Variants in RGS6 observed in about 807,000 individuals in gnomAD.
The protein encoded by RGS6 is regulator of G-protein signaling 6.
In RGS6, 30 loss-of-function variants were observed where a neutral mutation model predicts 78.5. The observed-to-expected ratio is 0.38, with a 90% CI of 0.29 to 0.52. The LOEUF (loss-of-function observed/expected upper bound fraction) is 0.52, where lower values mean the gene tolerates loss of function less well. Among genes scored for constraint, RGS6 ranks in the 20% least tolerant of loss-of-function variants. The probability of loss-of-function intolerance (pLI) is 0.85; values close to 1 mark genes in which losing one functional copy is unlikely to be tolerated. For synonymous variants in RGS6, 206 were observed against 206.0 expected (o/e 1.00, Z 0.00); for missense variants, 495 against 609.7 (o/e 0.81, Z 1.98).
the RGS6 span, among the ~76,000 whole-genome samples, chr14:72,573,933 T>C: frequency 2.0e-5 from 3 of 152,340 alleles, no homozygotes; most frequent in African/African-American, 7.2e-5. Flanking sequence ...GTGAACTCAC[T>C]GAGCCCTCAG....
intron 3 of RGS6, among the ~76,000 whole-genome samples, chr14:72,452,821 T>A (rs1213270927): frequency 6.6e-6 from 1 of 152,220 alleles, no homozygotes; most frequent in Non-Finnish European, 1.5e-5. Flanking sequence ...GACCAGAAAT[T>A]CAGAACCTTC....
chr14:72,444,069 C>G (rs2153219309), intron 3 of RGS6, among the ~76,000 whole-genome samples: 1 of 152,288 alleles, frequency 6.6e-6, no homozygotes, highest in African/African-American at 2.4e-5. Flanking sequence ...TCCTCCACCC[C>G]CACGTCTGCT....
intron 3 of RGS6, among the ~76,000 whole-genome samples, chr14:72,398,430 A>G (rs2091836059): frequency 6.6e-6 from 1 of 151,632 alleles, no homozygotes; most frequent in South Asian, 2.1e-4. Context: ...CATCTATTTG[A>G]TTCTTCTCTC....
intron 6 of RGS6, 120 bp downstream of exon 6, chr14:72,459,803 T>C: frequency 1.0e-6 from 1 of 957,136 alleles, no homozygotes; most frequent in South Asian, 1.3e-5. Context: ...TCCTTTCTGC[T>C]TAGTCCTTTC....
intron 2 of RGS6, among the ~76,000 whole-genome samples, chr14:72,330,629 G>T (rs2074800025): frequency 6.6e-6 from 1 of 152,150 alleles, no homozygotes; most frequent in African/African-American, 2.4e-5. Flanking sequence ...TGCAGAGTGG[G>T]ATTTAAAATC....
chr14:72,013,557 A>G (rs2086313388), intron 2 of RGS6, among the ~76,000 whole-genome samples: 1 of 152,214 alleles, frequency 6.6e-6, no homozygotes, highest in Non-Finnish European at 1.5e-5. Context: ...GTTTGTGAAC[A>G]ATGTAGTTAA....
intron 2 of RGS6, among the ~76,000 whole-genome samples, chr14:72,184,347 T>G (rs891872782): frequency 5.4e-5 from 8 of 148,772 alleles, no homozygotes; most frequent in African/African-American, 2.0e-4. Flanking sequence ...CTTGTTCATA[T>G]AACAGAAGTA....
intron 14 of RGS6, among the ~76,000 whole-genome samples, chr14:72,514,826 G>C (rs937880686): frequency 3.3e-5 from 5 of 152,232 alleles, no homozygotes; most frequent in Admixed American, 1.3e-4. Flanking sequence ...GGGGAGGAGC[G>C]GTACCTGCAG....
intron 2 of RGS6, among the ~76,000 whole-genome samples, chr14:72,119,889 T>C (rs1362195192): frequency 1.3e-5 from 2 of 152,190 alleles, no homozygotes; most frequent in Non-Finnish European, 2.9e-5. Flanking sequence ...CCTTGGCAAA[T>C]GAAGTCAGCA....
chr14:71,949,589 T>C (rs2152989285), intron 1 of RGS6, among the ~76,000 whole-genome samples: 1 of 152,294 alleles, frequency 6.6e-6, no homozygotes. Flanking sequence ...CTGTCATATG[T>C]ATTTAAAATA....
chr14:72,580,521 C>A, the RGS6 span, among the ~76,000 whole-genome samples: 2 of 152,092 alleles, frequency 1.3e-5, no homozygotes, highest in Non-Finnish European at 2.9e-5. Flanking sequence ...GGGAGGAATG[C>A]ACAGCTGTTT....
chr14:72,177,076 G>T (rs1224537021), intron 2 of RGS6, among the ~76,000 whole-genome samples: 1 of 151,880 alleles, frequency 6.6e-6, no homozygotes, highest in Admixed American at 6.6e-5. Context: ...TTTTTTTAAT[G>T]CTGTGTATAA....
rs375924286 is a variant in RGS6, at chr14:71,964,293, C to T, written c.-20-479C>T. 8.5e-4 allele frequency among the ~76,000 whole-genome samples: 129 copies of T among 152,084 alleles called. 3 individuals carry two copies. The South Asian group carries it at 0.025, about 30-fold the overall frequency. ...AGGCTGAGGCTGGTGCATCACCTAACGTCAGAAGTTTGTGACCAGCCTGAC... is the reference window on the plus strand; with the variant it reads ...AGGCTGAGGCTGGTGCATCACCTAATGTCAGAAGTTTGTGACCAGCCTGAC... On this transcript the variant is annotated intron_variant, in intron 1 of 17. Coordinates refer to ENST00000553525, the MANE Select transcript of RGS6 (RefSeq NM_001204424.2).
At chr14:72,409,627 A>G (rs922560943) in intron 3 of RGS6, among the ~76,000 whole-genome samples, 9 of 151,930 alleles carry the variant, frequency 5.9e-5, no homozygotes, top group Non-Finnish European at 1.3e-4. Context: ...GGTTTGTTAC[A>G]TATGTATACA....
At chr14:71,975,839 C>G (rs545771753) in intron 2 of RGS6, among the ~76,000 whole-genome samples, 1 of 152,232 alleles carries the variant, frequency 6.6e-6, no homozygotes, top group Non-Finnish European at 1.5e-5. Context: ...GGATTGTGTT[C>G]ATATGTTAGG....
chr14:72,330,048 A>G (rs921632221), intron 2 of RGS6, among the ~76,000 whole-genome samples: 10 of 152,234 alleles, frequency 6.6e-5, no homozygotes, highest in African/African-American at 2.4e-4. Context: ...AGCACCCAAC[A>G]GCAGGTTCAC....
chr14:72,258,861 C>G (rs1367506578), intron 2 of RGS6, among the ~76,000 whole-genome samples: 2 of 152,148 alleles, frequency 1.3e-5, no homozygotes, highest in African/African-American at 4.8e-5. Flanking sequence ...ATGGGGTTAA[C>G]AAGTTGTACC....
At chr14:72,554,135 T>A (rs539077732) in intron 17 of RGS6, among the ~76,000 whole-genome samples, 1 of 152,386 alleles carries the variant, frequency 6.6e-6, no homozygotes, top group African/African-American at 2.4e-5. Flanking sequence ...TCTTTGCATA[T>A]GCATCCAAAT....
intron 2 of RGS6, among the ~76,000 whole-genome samples, chr14:72,249,753 CTG>C (rs1005334159): frequency 3.3e-5 from 5 of 151,910 alleles, no homozygotes; most frequent in Admixed American, 2.0e-4. Context: ...GGGTGAGAAA[CTG>C]TGAGAAAAAA....
Sources: allele counts gnomAD v4.1 joint callset (sites outside exome capture counted in the v4.1 genomes callset), GRCh38; gene constraint gnomAD v4.1.1; transcripts MANE v1.5; gene names NCBI Gene and HGNC (gene_info 2026-07-23, HGNC 2026-07-21).